The following OTOF variants were observed in gnomAD, a reference collection of about 807,000 sequenced individuals.
OTOF encodes fer-1-like family member 2.
Under a neutral mutation model 236.8 loss-of-function variants are expected in OTOF, and 218 were observed. The observed-to-expected ratio is 0.92, with a 90% CI of 0.82 to 1.03. The LOEUF is 1.03. Ranked by LOEUF, OTOF falls within the 50% of genes least tolerant of loss-of-function variation. The pLI, the probability that OTOF is intolerant of heterozygous loss-of-function variation, is 0.00. For missense variants in OTOF, 2,590 were observed against 2,694.4 expected (o/e 0.96, Z 0.86); for synonymous variants, 1,041 against 1,072.5 (o/e 0.97, Z 0.57).
At chr2:26,532,603 C>T (rs1006065047) in intron 2 of OTOF, among the ~76,000 whole-genome samples, 6 of 152,122 alleles carry the variant, frequency 3.9e-5, no homozygotes, top group Non-Finnish European at 8.8e-5. Context: ...GAATAGCAGC[C>T]TGGGATAGGA....
intron 2 of OTOF, among the ~76,000 whole-genome samples, chr2:26,534,738 C>T (rs551385942): frequency 6.6e-6 from 1 of 152,260 alleles, no homozygotes; most frequent in East Asian, 1.9e-4. Flanking sequence ...AATCCAAAGC[C>T]CAAAGAGGTT....
intron 5 of OTOF, among the ~76,000 whole-genome samples, chr2:26,509,953 G>A (rs1378162439): frequency 6.6e-6 from 1 of 152,002 alleles, no homozygotes; most frequent in Non-Finnish European, 1.5e-5. Flanking sequence ...CTCCAGTATG[G>A]TCCACCTTGG....
In OTOF at chr2:26,469,710, C is replaced by G. The variant is rs1448097123; in HGVS notation, c.4023+883G>C. ...CTGAGCCACCATACCAGCCTAACCC[C>G]CACTCTCTGAGATGTTATGTGAGAA... On this transcript the variant is annotated intron_variant, in intron 32 of 46. Transcript: ENST00000272371. 3.3e-5 allele frequency among the ~76,000 whole-genome samples: 5 copies of G among 152,250 alleles called. No homozygotes were observed. The South Asian group carries it at 6.2e-4, about 19-fold the overall frequency.
chr2:26,465,610 C>T (rs1572407470), intron 38 of OTOF, 62 bp downstream of exon 38: 1 of 1,545,592 alleles, frequency 6.5e-7, no homozygotes, highest in Non-Finnish European at 8.9e-7. Flanking sequence ...ATCTGAATCT[C>T]ATTTTAGAGT....
In OTOF at chr2:26,501,653, C is replaced by T. The variant is rs546268153; in HGVS notation, c.765+101G>A. On this transcript the variant is annotated intron_variant, in intron 8 of 46. Transcript: ENST00000272371. ...TATTCAGCTTGTTGTTCTCTATGAC[C>T]CCTGGATCCATGCCTCAGTATAGTG... 20 of 844,478 alleles carry T rather than the reference C, an allele frequency of 2.4e-5. 1 individual carries two copies. In the South Asian group the frequency reaches 2.7e-4, roughly 12 times the overall value. 52.3% of individuals were successfully genotyped at this position (844,478 alleles called of 1,614,324 possible).
At chr2:26,529,387 C>T (rs1384297256) in intron 2 of OTOF, among the ~76,000 whole-genome samples, 2 of 152,192 alleles carry the variant, frequency 1.3e-5, no homozygotes, top group African/African-American at 4.8e-5. Flanking sequence ...TTCTGGGGAA[C>T]TTTTTCTTAT....
intron 41 of OTOF, 110 bp downstream of exon 41, chr2:26,463,373 A>C: frequency 5.5e-6 from 5 of 902,250 alleles, no homozygotes; most frequent in Non-Finnish European, 9.0e-6. Context: ...CAGGGATGCC[A>C]ACTGGCCAAG....
Position 26,466,397 on chromosome 2 carries a change from C to T in OTOF, c.4500+317G>A, listed in dbSNP as rs7576373. On this transcript the variant is annotated intron_variant, in intron 36 of 46. Coordinates refer to ENST00000272371, the MANE Select transcript of OTOF (RefSeq NM_194248.3). ...TGTCTCCCAGGCTGGAGTGCAATGACGTGATCTCAGCTCACTGCAAGCTCC... is the reference window on the plus strand; with the variant it reads ...TGTCTCCCAGGCTGGAGTGCAATGATGTGATCTCAGCTCACTGCAAGCTCC... 59,386 of 507,004 alleles carry T rather than the reference C, an allele frequency of 0.12. 9,944 individuals carry two copies. The highest frequency in any genetic ancestry group is 0.58 in the African/African-American group (29,761 of 51,612). The allele number at this position is 507,004 out of a possible 1,614,324, so 31.4% of individuals were successfully genotyped here. A position where few individuals can be genotyped will look rare whatever the true frequency, so the allele number is the denominator to read the frequency against.
chr2:26,506,330 T>A (rs1184689516), intron 5 of OTOF, among the ~76,000 whole-genome samples: 1 of 152,266 alleles, frequency 6.6e-6, no homozygotes, highest in African/African-American at 2.4e-5. Flanking sequence ...CTTGGAGTCC[T>A]TGGCCCTTCC....
At chr2:26,501,076 G>C (rs1460304827) in intron 8 of OTOF, among the ~76,000 whole-genome samples, 3 of 152,170 alleles carry the variant, frequency 2.0e-5, no homozygotes, top group Non-Finnish European at 2.9e-5. Flanking sequence ...CCAAGGGAGG[G>C]TCTGGAGCAA....
intron 11 of OTOF, among the ~76,000 whole-genome samples, chr2:26,486,923 G>T (rs868161214): frequency 6.6e-6 from 1 of 152,150 alleles, no homozygotes; most frequent in African/African-American, 2.4e-5. Flanking sequence ...GCCAGTCAAG[G>T]GTAGCCCAGC....
intron 3 of OTOF, among the ~76,000 whole-genome samples, chr2:26,522,638 G>A (rs1666704755): frequency 6.6e-6 from 1 of 152,226 alleles, no homozygotes; most frequent in Non-Finnish European, 1.5e-5. Flanking sequence ...GGGCTCATAT[G>A]CTCCTTAGAC....
rs1018398194 is a variant in OTOF at position 26,558,749 on chromosome 2, C to T, written c.-178G>A. Reference sequence around the variant, plus strand: ...AAGCCGAGCTAAGCTGCTCCTGCAGCGACTCACAGAGCCTCACAGCCCCCG... The same window carrying T: ...AAGCCGAGCTAAGCTGCTCCTGCAGTGACTCACAGAGCCTCACAGCCCCCG... On this transcript the variant is annotated 5_prime_UTR_variant, in exon 1 of 47. Transcript: ENST00000272371. 1.5e-5 allele frequency: 9 copies of T among 590,704 alleles called. No individual in the cohort carries two copies. The highest frequency in any genetic ancestry group is 1.1e-4 in the African/African-American group (6 of 53,558). 36.6% of individuals were successfully genotyped at this position (590,704 alleles called of 1,614,324 possible).
rs1313632485 is a variant in OTOF at position 26,461,204 on chromosome 2, C to T, written c.5534-174G>A. On this transcript the variant is annotated intron_variant, in intron 43 of 46. Transcript: ENST00000272371. The surrounding 1 kb of genome is among the most constrained non-coding windows in gnomAD (Gnocchi z 6.2). ...GCCTCAATGCAGGCATCCTCGTGGGCTTGCTAGGCAGCCCCAGCCCCCATG... is the reference window on the plus strand; with the variant it reads ...GCCTCAATGCAGGCATCCTCGTGGGTTTGCTAGGCAGCCCCAGCCCCCATG... 6.6e-6 allele frequency among the ~76,000 whole-genome samples: 1 copy of T among 152,154 alleles called. No individual in the cohort carries two copies. The highest frequency in any genetic ancestry group is 1.5e-5 in the Non-Finnish European group (1 of 68,014).
rs970301852 is a variant in OTOF at position 26,558,663 on chromosome 2, G to A, written c.-92C>T. 2.4e-5 allele frequency: 27 copies of A among 1,124,784 alleles called. No homozygotes were observed. Among genetic ancestry groups the A allele is most frequent in the Admixed American group, 3.5e-5 (2 of 57,258 alleles). The allele number at this position is 1,124,784 out of a possible 1,614,324, so 69.7% of individuals were successfully genotyped here. A position where few individuals can be genotyped will look rare whatever the true frequency, so the allele number is the denominator to read the frequency against. On this transcript the variant is annotated 5_prime_UTR_variant, in exon 1 of 47. Transcript: ENST00000272371. ...CTCACACGCCTCTCTCTTCTCTGCC[G>A]CTGCCTCCTCCTCCTCCTCCCGACC... is the stretch of plus-strand genomic sequence containing the variant.
chr2:26,527,284 T>G (rs1666830937), intron 3 of OTOF, among the ~76,000 whole-genome samples: 1 of 152,214 alleles, frequency 6.6e-6, no homozygotes, highest in South Asian at 2.1e-4. Context: ...CCCTTTGAGG[T>G]AAATACTTGT....
rs770136435 is a variant in OTOF at position 26,477,373 on chromosome 2, C to G, written c.2406+43G>C. The G allele has an allele frequency of 6.4e-7, 1 of 1,569,692 alleles. No individual in the cohort carries two copies. The highest frequency in any genetic ancestry group is 8.7e-7 in the Non-Finnish European group (1 of 1,155,474). On this transcript the variant is annotated intron_variant, in intron 20 of 46. Coordinates refer to ENST00000272371, the MANE Select transcript of OTOF (RefSeq NM_194248.3). The surrounding 1 kb of genome is among the most constrained non-coding windows in gnomAD (Gnocchi z 4.7). ...AGGGGGTTGTGACACCTTCTCACAA[C>G]CAGGCCCTCCCTCCAGCCCCCGCCG...
chr2:26,553,095 T>C (rs1442616527), intron 1 of OTOF, among the ~76,000 whole-genome samples: 1 of 151,930 alleles, frequency 6.6e-6, no homozygotes, highest in Non-Finnish European at 1.5e-5. Flanking sequence ...TAATGTGGAG[T>C]CAGAGGTGGA....
At chr2:26,463,661 T>G in intron 40 of OTOF, 90 bp from the exon 41 acceptor site, 1 of 1,111,746 alleles carries the variant, frequency 9.0e-7, no homozygotes, top group Non-Finnish European at 1.3e-6. Flanking sequence ...CTTTGTTCTG[T>G]CAAGGACCCA....
Sources: gnomAD v4.1 joint callset for allele counts (sites outside exome capture counted in the v4.1 genomes callset) on GRCh38, gnomAD v4.1.1 for gene constraint, Gnocchi (gnomAD v3.1) non-coding constraint, MANE v1.5 for transcripts, NCBI Gene and HGNC (gene_info 2026-07-23, HGNC 2026-07-21) for gene names.